COG5: variants seen among roughly 807,000 people sequenced by gnomAD.
COG5 encodes the protein conserved oligomeric Golgi complex subunit 5.
A neutral mutation model predicts 110.4 loss-of-function variants in COG5; 86 were observed. That is an observed-to-expected ratio of 0.78 (90% CI 0.65 to 0.93). The LOEUF (loss-of-function observed/expected upper bound fraction) is 0.93. Ranked by LOEUF, COG5 falls within the 40% of genes least tolerant of loss-of-function variation. The pLI is 0.00. For synonymous variants in COG5, 360 were observed against 334.6 expected, an observed-to-expected ratio of 1.08 and a Z score of -0.83; for missense variants, 1,077 against 987.0, an observed-to-expected ratio of 1.09 and a Z score of -1.22.
chr7:107,243,092 A>G (rs1801773216), intron 17 of COG5, among the ~76,000 whole-genome samples: 1 of 152,228 alleles, frequency 6.6e-6, no homozygotes, highest in African/African-American at 2.4e-5. Flanking sequence ...AGCAAACATC[A>G]AAAAAGACAA....
intron 6 of COG5, among the ~76,000 whole-genome samples, chr7:107,461,511 G>C (rs963409968): frequency 6.6e-6 from 1 of 152,032 alleles, no homozygotes; most frequent in African/African-American, 2.4e-5. Context: ...TGAAGACATG[G>C]AAAAAAGCAG....
chr7:107,492,961 T>C (rs1163720048), intron 6 of COG5, among the ~76,000 whole-genome samples: 2 of 152,300 alleles, frequency 1.3e-5, no homozygotes, highest in African/African-American at 4.8e-5. Context: ...GTAGTCTGCA[T>C]GTGTCCCCCA....
At chr7:107,523,895 A>G (rs1239056428) in intron 6 of COG5, among the ~76,000 whole-genome samples, 1 of 152,194 alleles carries the variant, frequency 6.6e-6, no homozygotes, top group Non-Finnish European at 1.5e-5. Flanking sequence ...AAAGTTAAAC[A>G]TATACCTACC....
intron 12 of COG5, among the ~76,000 whole-genome samples, chr7:107,292,730 T>C (rs777189117): frequency 6.6e-6 from 1 of 152,072 alleles, no homozygotes; most frequent in Admixed American, 6.6e-5. Flanking sequence ...ACCTCCATGA[T>C]TTAGTAGGAG....
intron 10 of COG5, among the ~76,000 whole-genome samples, chr7:107,349,877 A>G (rs535763380): frequency 6.6e-6 from 1 of 151,978 alleles, no homozygotes; most frequent in South Asian, 2.1e-4. Context: ...TTTTTAGTGG[A>G]GACAGGGTTT....
intron 6 of COG5, among the ~76,000 whole-genome samples, chr7:107,465,160 C>T (rs1271763837): frequency 1.3e-5 from 2 of 152,098 alleles, no homozygotes; most frequent in Non-Finnish European, 2.9e-5. Context: ...GTAAGTCTCA[C>T]ATGTTTCAGG....
At chr7:107,364,100 T>C (rs1813381965) in intron 8 of COG5, among the ~76,000 whole-genome samples, 2 of 152,368 alleles carry the variant, frequency 1.3e-5, no homozygotes, top group South Asian at 2.1e-4. Context: ...TGATCTAATT[T>C]AGCATCAGCA....
chr7:107,548,432 CTT>C (rs1194076187), intron 3 of COG5, 100 bp from the exon 4 acceptor site: 25 of 1,146,304 alleles, frequency 2.2e-5, no homozygotes, highest in Middle Eastern at 2.7e-4. Flanking sequence ...ATAATTTTAA[CTT>C]TTTTTGTCAC....
At chr7:107,336,004 T>C (rs1048983518) in intron 10 of COG5, among the ~76,000 whole-genome samples, 2 of 152,036 alleles carry the variant, frequency 1.3e-5, no homozygotes, top group African/African-American at 4.8e-5. Context: ...GAGAGATAGA[T>C]AGCAACACAA....
At chr7:107,388,974 GAC>G (rs1790421633) in intron 7 of COG5, among the ~76,000 whole-genome samples, 1 of 152,202 alleles carries the variant, frequency 6.6e-6, no homozygotes, top group Non-Finnish European at 1.5e-5. Context: ...TTCTACTCCA[GAC>G]ACAGACACCA....
chr7:107,336,863 T>C (rs751702858), intron 10 of COG5, among the ~76,000 whole-genome samples: 6 of 152,042 alleles, frequency 3.9e-5, no homozygotes, highest in African/African-American at 1.2e-4. Flanking sequence ...AGCCAGCTCA[T>C]TGCAGCCACA....
chr7:107,331,411 T>C (rs958385485), intron 10 of COG5, among the ~76,000 whole-genome samples: 3 of 151,754 alleles, frequency 2.0e-5, no homozygotes, highest in Non-Finnish European at 4.4e-5. Flanking sequence ...GAGCTTGCAG[T>C]GAGCCGAGAT....
At chr7:107,454,123 G>A (rs966070955) in intron 6 of COG5, among the ~76,000 whole-genome samples, 9 of 151,852 alleles carry the variant, frequency 5.9e-5, no homozygotes, top group African/African-American at 1.2e-4. Flanking sequence ...GTTGCCTAGT[G>A]TATATAATTG....
At chr7:107,208,490 C>T in intron 21 of COG5, 1 of 985,406 alleles carries the variant, frequency 1.0e-6, no homozygotes, top group Non-Finnish European at 1.2e-6. Context: ...GTTCAATTAA[C>T]TGAATCCTCT....
chr7:107,307,366 C>T (rs1403834912), intron 11 of COG5, among the ~76,000 whole-genome samples: 1 of 152,170 alleles, frequency 6.6e-6, no homozygotes, highest in Non-Finnish European at 1.5e-5. Context: ...GACTTCCTTC[C>T]TCTGCCTTAA....
chr7:107,506,759 G>GC (rs1799042897), intron 6 of COG5, among the ~76,000 whole-genome samples: 1 of 152,090 alleles, frequency 6.6e-6, no homozygotes. Flanking sequence ...GCCCCTCCCA[G>GC]TTGGCTCACA....
chr7:107,386,401 C>T (rs553904981), intron 7 of COG5, among the ~76,000 whole-genome samples: 1 of 152,010 alleles, frequency 6.6e-6, no homozygotes, highest in South Asian at 2.1e-4. Context: ...ATTTATCTGT[C>T]GTTGGGTCAG....
At chr7:107,362,196 G>C in intron 9 of COG5, 86 bp from the exon 10 acceptor site, 2 of 1,318,176 alleles carry the variant, frequency 1.5e-6, no homozygotes, top group Admixed American at 3.8e-5. Context: ...TCATCAGCTA[G>C]TGGAGGTATT....
chr7:107,353,645 T>TA (rs1422793320), intron 10 of COG5, among the ~76,000 whole-genome samples: 1 of 152,124 alleles, frequency 6.6e-6, no homozygotes, highest in African/African-American at 2.4e-5. Context: ...GCTCTACATT[T>TA]AAACTAAAAT....
Sources: gnomAD v4.1 joint callset for allele counts (sites outside exome capture counted in the v4.1 genomes callset) on GRCh38, gnomAD v4.1.1 for gene constraint, MANE v1.5 for transcripts, NCBI Gene and HGNC (gene_info 2026-07-23, HGNC 2026-07-21) for gene names.